TPRG1: variants seen among roughly 807,000 people sequenced by gnomAD.
TPRG1 encodes tumor protein p63-regulated gene 1 protein.
Under a neutral mutation model 29.3 loss-of-function variants are expected in TPRG1, and 29 were observed. That is an observed-to-expected ratio of 0.99 (90% CI 0.74 to 1.35). The LOEUF (loss-of-function observed/expected upper bound fraction) is 1.35. Ranked by LOEUF, TPRG1 falls within the 40% of genes most tolerant of loss-of-function variation. TPRG1 has a pLI of 0.00. For synonymous variants in TPRG1, 130 were observed against 116.8 expected, an observed-to-expected ratio of 1.11 and a Z score of -0.73; for missense variants, 327 against 335.0, an observed-to-expected ratio of 0.98 and a Z score of 0.19.
At chr3:189,080,712 T>TA (rs898198892) in intron 4 of TPRG1, among the ~76,000 whole-genome samples, 2 of 151,776 alleles carry the variant, frequency 1.3e-5, no homozygotes, top group East Asian at 1.9e-4. Context: ...ACCTAAAAGA[T>TA]AAAAAACAAG....
chr3:189,028,646 G>C (rs925480673), intron 4 of TPRG1, among the ~76,000 whole-genome samples: 1 of 152,124 alleles, frequency 6.6e-6, no homozygotes. Flanking sequence ...CAAGTATCAG[G>C]TTTTTAATTG....
intron 4 of TPRG1, among the ~76,000 whole-genome samples, chr3:189,276,304 T>C (rs1480496665): frequency 6.6e-6 from 1 of 152,126 alleles, no homozygotes; most frequent in Non-Finnish European, 1.5e-5. Context: ...GGGGTTGTGG[T>C]TGGAATTGCA....
Position 189,320,907 on chromosome 3 carries a change from CAATT to C in TPRG1, c.*93_*96del. On this transcript the variant is annotated 3_prime_UTR_variant, in exon 6 of 6. Coordinates refer to ENST00000345063, the MANE Select transcript of TPRG1 (RefSeq NM_198485.4). ...GACCCACGCTATTTTTGGACTGAAACAATTAATTATTTTTAAATGACGCTTTATG... is the reference window on the plus strand; with the variant it reads ...GACCCACGCTATTTTTGGACTGAAACAATTATTTTTAAATGACGCTTTATG... The C allele has an allele frequency of 7.0e-6, 8 of 1,144,762 alleles. No homozygotes were observed. Among genetic ancestry groups the C allele is most frequent in the Non-Finnish European group, 7.1e-6 (6 of 846,886 alleles). The allele number at this position is 1,144,762 out of a possible 1,614,324, so 70.9% of individuals were successfully genotyped here.
chr3:189,009,736 C>G (rs1398447076), intron 3 of TPRG1, among the ~76,000 whole-genome samples: 1 of 151,542 alleles, frequency 6.6e-6, no homozygotes, highest in East Asian at 1.9e-4. Flanking sequence ...ATAGTGTTAT[C>G]TTATGACTCT....
At chr3:189,175,126 G>T (rs1220533235) in intron 1 of TPRG1, among the ~76,000 whole-genome samples, 1 of 152,090 alleles carries the variant, frequency 6.6e-6, no homozygotes, top group African/African-American at 2.4e-5. Context: ...GTGTACACAA[G>T]TAACTATAAT....
At chr3:189,255,550 G>C (rs755739920) in intron 4 of TPRG1, among the ~76,000 whole-genome samples, 7 of 152,154 alleles carry the variant, frequency 4.6e-5, no homozygotes, top group Non-Finnish European at 1.0e-4. Context: ...AATGAGTTAG[G>C]GAGAAGTCCG....
At chr3:189,121,070 A>T (rs1360846521) in intron 1 of TPRG1, among the ~76,000 whole-genome samples, 1 of 152,262 alleles carries the variant, frequency 6.6e-6, no homozygotes, top group African/African-American at 2.4e-5. Flanking sequence ...ATAAAGATAC[A>T]GATCTCTAAA....
At chr3:189,091,065 T>C (rs373463989) in intron 4 of TPRG1, among the ~76,000 whole-genome samples, 10 of 152,162 alleles carry the variant, frequency 6.6e-5, no homozygotes, top group East Asian at 5.8e-4. Flanking sequence ...ATTATAATTA[T>C]GCTCAATTCA....
chr3:189,276,693 C>A (rs1488495790), intron 4 of TPRG1, among the ~76,000 whole-genome samples: 1 of 152,130 alleles, frequency 6.6e-6, no homozygotes. Context: ...ACATTGTTAA[C>A]AATCCCTAGT....
chr3:189,010,463 T>C (rs889230954), intron 3 of TPRG1, among the ~76,000 whole-genome samples: 1 of 152,214 alleles, frequency 6.6e-6, no homozygotes, highest in African/African-American at 2.4e-5. Flanking sequence ...TTTAGCTTTT[T>C]AGTAATAGCC....
chr3:189,221,064 C>G (rs1186207946), intron 3 of TPRG1, among the ~76,000 whole-genome samples: 3 of 152,140 alleles, frequency 2.0e-5, no homozygotes, highest in Non-Finnish European at 4.4e-5. Context: ...TATTATGATT[C>G]TTTCAAAACT....
At chr3:189,239,067 A>AGTT in intron 4 of TPRG1, 158 bp downstream of exon 4, 1 of 566,680 alleles carries the variant, frequency 1.8e-6, no homozygotes. Context: ...TTCCTACTCT[A>AGTT]TGTCAGCCTC....
At chr3:189,297,863 C>A (rs1720212244) in intron 4 of TPRG1, among the ~76,000 whole-genome samples, 1 of 152,018 alleles carries the variant, frequency 6.6e-6, no homozygotes, top group Admixed American at 6.5e-5. Flanking sequence ...GAACATGGGG[C>A]TGGTTGTTCT....
chr3:189,056,494 GT>G (rs2152142155), intron 4 of TPRG1, among the ~76,000 whole-genome samples: 1 of 152,260 alleles, frequency 6.6e-6, no homozygotes, highest in East Asian at 1.9e-4. Context: ...CTCAATAAAT[GT>G]TGAGTAAATG....
intron 2 of TPRG1, among the ~76,000 whole-genome samples, chr3:189,002,008 G>T (rs1284947007): frequency 6.6e-6 from 1 of 152,246 alleles, no homozygotes; most frequent in Non-Finnish European, 1.5e-5. Flanking sequence ...GAGGAACTTA[G>T]CGGGCAGAGC....
chr3:189,031,073 C>T (rs770185556), intron 4 of TPRG1, among the ~76,000 whole-genome samples: 3 of 152,070 alleles, frequency 2.0e-5, no homozygotes, highest in Non-Finnish European at 2.9e-5. Flanking sequence ...AGATCTCAAG[C>T]TGTTAGAGAC....
At chr3:188,997,905 C>A (rs906848365) in intron 1 of TPRG1, among the ~76,000 whole-genome samples, 1 of 152,074 alleles carries the variant, frequency 6.6e-6, no homozygotes. Context: ...ACGATTTTTC[C>A]CCATTGGCTT....
intron 4 of TPRG1, among the ~76,000 whole-genome samples, chr3:189,082,832 T>C (rs1177864583): frequency 6.6e-6 from 1 of 152,182 alleles, no homozygotes; most frequent in East Asian, 1.9e-4. Flanking sequence ...CTGCTGATAA[T>C]ATCCCTGCTA....
intron 3 of TPRG1, among the ~76,000 whole-genome samples, chr3:189,229,814 C>T (rs537222633): frequency 1.3e-5 from 2 of 152,282 alleles, no homozygotes; most frequent in South Asian, 2.1e-4. Flanking sequence ...TTTACAACAT[C>T]GCCTCATCTT....
Sources: gnomAD v4.1 joint callset for allele counts (sites outside exome capture counted in the v4.1 genomes callset) on GRCh38, gnomAD v4.1.1 for gene constraint, MANE v1.5 for transcripts, NCBI Gene and HGNC (gene_info 2026-07-23, HGNC 2026-07-21) for gene names.